The following SNTG1 variants were observed in gnomAD, a reference collection of about 807,000 sequenced individuals.
SNTG1 encodes the protein gamma-1-syntrophin.
A neutral mutation model predicts 74.7 loss-of-function variants in SNTG1; 39 were observed. The observed-to-expected ratio is 0.52, with a 90% confidence interval of 0.40 to 0.68. The LOEUF (loss-of-function observed/expected upper bound fraction) is 0.68, where lower values mean the gene tolerates loss of function less well. SNTG1 is among the 30% of genes least tolerant of loss of function. The pLI, the probability that SNTG1 is intolerant of heterozygous loss-of-function variation, is 0.00. For synonymous variants in SNTG1, 254 were observed against 217.1 expected, an observed-to-expected ratio of 1.17 and a Z score of -1.49; for missense variants, 685 against 609.5, an observed-to-expected ratio of 1.12 and a Z score of -1.30.
chr8:50,196,802 C>CAAA (rs542608239), intron 2 of SNTG1, among the ~76,000 whole-genome samples: 3 of 99,954 alleles, frequency 3.0e-5, no homozygotes, highest in African/African-American at 1.1e-4. Context: ...ACTAAAAATA[C>CAAA]AAAAAAAAAA....
intron 2 of SNTG1, among the ~76,000 whole-genome samples, chr8:50,181,891 A>G (rs931569116): frequency 1.3e-5 from 2 of 152,168 alleles, no homozygotes; most frequent in Non-Finnish European, 2.9e-5. Flanking sequence ...CTCCAGTATG[A>G]AAGAAAATCA....
At chr8:50,067,342 T>C (rs1820981562) in intron 1 of SNTG1, among the ~76,000 whole-genome samples, 1 of 152,192 alleles carries the variant, frequency 6.6e-6, no homozygotes, top group African/African-American at 2.4e-5. Flanking sequence ...TAACTTTCAA[T>C]TGCATTCTGA....
intron 12 of SNTG1, among the ~76,000 whole-genome samples, chr8:50,566,507 C>T (rs1316452296): frequency 6.6e-6 from 1 of 152,002 alleles, no homozygotes; most frequent in African/African-American, 2.4e-5. Flanking sequence ...CTATCACACA[C>T]ACACACACTT....
intron 2 of SNTG1, among the ~76,000 whole-genome samples, chr8:50,386,756 G>C (rs2092581311): frequency 6.6e-6 from 1 of 152,068 alleles, no homozygotes; most frequent in Admixed American, 6.6e-5. Flanking sequence ...AAACAGCCAG[G>C]TCTGGCATGA....
intron 1 of SNTG1, among the ~76,000 whole-genome samples, chr8:50,065,817 C>T (rs1820852384): frequency 6.6e-6 from 1 of 152,188 alleles, no homozygotes; most frequent in Non-Finnish European, 1.5e-5. Flanking sequence ...CATAAATCCA[C>T]TACCTTCCTA....
At chr8:50,601,531 G>T (rs1053077785) in intron 13 of SNTG1, among the ~76,000 whole-genome samples, 1 of 152,120 alleles carries the variant, frequency 6.6e-6, no homozygotes, top group East Asian at 1.9e-4. Context: ...GACATGTTTT[G>T]TTAGCTGACA....
chr8:50,695,226 C>T (rs979806245), intron 15 of SNTG1, among the ~76,000 whole-genome samples: 5 of 150,884 alleles, frequency 3.3e-5, no homozygotes, highest in African/African-American at 1.2e-4. Context: ...CAAAAAAAAC[C>T]GTTAAAAATA....
chr8:50,389,879 CT>C, intron 2 of SNTG1, among the ~76,000 whole-genome samples: 1 of 152,324 alleles, frequency 6.6e-6, no homozygotes, highest in South Asian at 2.1e-4. Context: ...GCATAAATGT[CT>C]TCTTTTGAGA....
At chr8:50,295,154 A>C (rs902736727) in intron 2 of SNTG1, among the ~76,000 whole-genome samples, 2 of 152,232 alleles carry the variant, frequency 1.3e-5, no homozygotes, top group Non-Finnish European at 2.9e-5. Context: ...AAAGAAATTA[A>C]AATCAAACCT....
rs373417258 is a variant in SNTG1, at chr8:50,590,969, T to C, written c.849+52T>C. The stretch of plus-strand genomic sequence containing the variant: ...TAAATAATATATTTCTTTAATTTTA[T>C]TGATTATAGAAGATAACGTTACCTG... On this transcript the variant is annotated intron_variant, in intron 13 of 18. Transcript: ENST00000642720. The C allele has an allele frequency of 6.9e-6, 9 of 1,296,746 alleles. No individual in the cohort carries two copies. The African/African-American group carries it at 1.2e-4, about 18-fold the overall frequency. The allele number at this position is 1,296,746 out of a possible 1,614,324, so 80.3% of individuals were successfully genotyped here.
At chr8:50,205,934 T>C (rs2084209994) in intron 2 of SNTG1, among the ~76,000 whole-genome samples, 1 of 152,192 alleles carries the variant, frequency 6.6e-6, no homozygotes, top group South Asian at 2.1e-4. Context: ...TATATATCTG[T>C]TTTGGTACCA....
In SNTG1 at chr8:50,160,832, G is replaced by A. The variant is rs1321254088; in HGVS notation, c.-102-11729G>A. On this transcript the variant is annotated intron_variant, in intron 1 of 18. Coordinates refer to ENST00000642720, the MANE Select transcript of SNTG1 (RefSeq NM_018967.5). The stretch of plus-strand genomic sequence containing the variant: ...TACTTTTTTGGGAGCACAGAACTTG[G>A]GCATAGAACATAGACTGTAGAGAAT... Among the ~76,000 whole-genome samples, 4 of 152,210 alleles carry A rather than the reference G, an allele frequency of 2.6e-5. No homozygotes were observed. In the East Asian group the frequency reaches 5.8e-4, roughly 22 times the overall value.
chr8:50,717,445 C>T (rs1273888488), intron 17 of SNTG1, among the ~76,000 whole-genome samples: 4 of 152,280 alleles, frequency 2.6e-5, no homozygotes, highest in Non-Finnish European at 5.9e-5. Context: ...CTTTTCCTTA[C>T]AGCGTTATTC....
chr8:50,467,060 GT>G (rs2093614279), intron 8 of SNTG1, among the ~76,000 whole-genome samples: 1 of 151,978 alleles, frequency 6.6e-6, no homozygotes, highest in South Asian at 2.1e-4. Context: ...ACATTATTCA[GT>G]TTGATTTGCT....
At chr8:50,182,331 A>G (rs1231786518) in intron 2 of SNTG1, among the ~76,000 whole-genome samples, 1 of 152,162 alleles carries the variant, frequency 6.6e-6, no homozygotes, top group Non-Finnish European at 1.5e-5. Flanking sequence ...GTGGTGAGAT[A>G]ATGGCAGATC....
At chr8:50,777,227 AT>A (rs2095643410) in intron 18 of SNTG1, among the ~76,000 whole-genome samples, 1 of 118,156 alleles carries the variant, frequency 8.5e-6, no homozygotes, top group Non-Finnish European at 1.5e-5. Flanking sequence ...GCATATATAT[AT>A]ATATATAATA....
At chr8:50,066,707 C>T (rs1820928358) in intron 1 of SNTG1, among the ~76,000 whole-genome samples, 1 of 152,142 alleles carries the variant, frequency 6.6e-6, no homozygotes, top group Admixed American at 6.5e-5. Context: ...AAACTATTTT[C>T]ACTTCAGTGT....
At chr8:50,690,783 G>A (rs1187546871) in intron 15 of SNTG1, among the ~76,000 whole-genome samples, 2 of 152,152 alleles carry the variant, frequency 1.3e-5, no homozygotes, top group Non-Finnish European at 2.9e-5. Flanking sequence ...GCAGATCTGA[G>A]TTCAATTCCT....
At chr8:50,605,560 A>G (rs1301392678) in intron 13 of SNTG1, among the ~76,000 whole-genome samples, 1 of 151,860 alleles carries the variant, frequency 6.6e-6, no homozygotes, top group African/African-American at 2.4e-5. Flanking sequence ...TCGCTGTGCT[A>G]GTCTTCCCCC....
Sources: gnomAD v4.1 joint callset for allele counts (sites outside exome capture counted in the v4.1 genomes callset) on GRCh38, gnomAD v4.1.1 for gene constraint, MANE v1.5 for transcripts, NCBI Gene and HGNC (gene_info 2026-07-23, HGNC 2026-07-21) for gene names.